Variants in STPG2 observed in about 807,000 individuals in gnomAD.
The protein encoded by STPG2 is sperm tail PG-rich repeat containing 2.
A neutral mutation model predicts 54.2 loss-of-function variants in STPG2; 56 were observed. That is an observed-to-expected ratio of 1.03 (90% CI 0.83 to 1.29). The LOEUF (loss-of-function observed/expected upper bound fraction) is 1.29. STPG2 is among the 50% of genes most tolerant of loss of function. The pLI, the probability that STPG2 is intolerant of heterozygous loss-of-function variation, is 0.00. For missense variants in STPG2, 596 were observed against 544.9 expected (o/e 1.09, Z -0.93); for synonymous variants, 200 against 181.8 (o/e 1.10, Z -0.81).
intron 10 of STPG2, among the ~76,000 whole-genome samples, chr4:97,569,363 G>A (rs1732539962): frequency 6.6e-6 from 1 of 152,058 alleles, no homozygotes; most frequent in Non-Finnish European, 1.5e-5. Flanking sequence ...CTTGGTTTTG[G>A]CCAGCTTCTT....
chr4:97,679,075 G>T (rs1324702217), intron 10 of STPG2, among the ~76,000 whole-genome samples: 1 of 152,056 alleles, frequency 6.6e-6, no homozygotes, highest in Non-Finnish European at 1.5e-5. Flanking sequence ...GAATAGTGCT[G>T]CAATAAACAT....
chr4:97,738,266 T>C (rs533469540), intron 9 of STPG2, among the ~76,000 whole-genome samples: 2 of 152,076 alleles, frequency 1.3e-5, no homozygotes, highest in African/African-American at 2.4e-5. Flanking sequence ...CATGCCAAAT[T>C]GTAAAGACCA....
downstream of STPG2, among the ~76,000 whole-genome samples, chr4:97,558,681 A>G (rs1256119825): frequency 6.6e-6 from 1 of 152,194 alleles, no homozygotes; most frequent in Admixed American, 6.5e-5. Flanking sequence ...CCAAACCTCC[A>G]TGTGACTGAG....
intron 10 of STPG2, among the ~76,000 whole-genome samples, chr4:97,616,327 G>T (rs1229721490): frequency 6.6e-6 from 1 of 151,506 alleles, no homozygotes; most frequent in Admixed American, 6.6e-5. Context: ...ACCTTAATTA[G>T]CAAGGAAAGA....
intron 5 of STPG2, among the ~76,000 whole-genome samples, chr4:98,037,830 A>G (rs1736822121): frequency 6.6e-6 from 1 of 152,096 alleles, no homozygotes; most frequent in African/African-American, 2.4e-5. Flanking sequence ...AGATTTAAAA[A>G]GATGTAATTT....
intron 8 of STPG2, among the ~76,000 whole-genome samples, chr4:97,862,335 A>C (rs1028141542): frequency 2.0e-5 from 3 of 152,142 alleles, no homozygotes; most frequent in Non-Finnish European, 4.4e-5. Context: ...AACAAAGATC[A>C]AAAGAGACAA....
chr4:98,139,791 G>A (rs12648163), intron 1 of STPG2, among the ~76,000 whole-genome samples: 21,297 of 152,092 alleles, frequency 0.14, 1,638 homozygotes, highest in East Asian at 0.32. Context: ...TTTACCACAC[G>A]CTCCTTACTT....
intron 9 of STPG2, among the ~76,000 whole-genome samples, chr4:97,745,255 C>CAAAAAAAAAAAAAAAAAAAAAAAAAA: frequency 1.3e-5 from 1 of 79,632 alleles, no homozygotes; most frequent in Non-Finnish European, 2.6e-5. Context: ...AAAAAAAAAA[C>CAAAAAAAAAAAAAAAAAAAAAAAAAA]AAAAAAACAA....
chr4:97,665,313 CA>C (rs1202028218), intron 10 of STPG2, among the ~76,000 whole-genome samples: 1 of 152,150 alleles, frequency 6.6e-6, no homozygotes, highest in East Asian at 1.9e-4. Flanking sequence ...GGTACAGGTA[CA>C]AGTGGAGGGT....
At chr4:97,638,943 C>T (rs1023593415) in intron 10 of STPG2, among the ~76,000 whole-genome samples, 1 of 149,412 alleles carries the variant, frequency 6.7e-6, no homozygotes, top group Non-Finnish European at 1.5e-5. Context: ...GTGGCGATTC[C>T]TCAGGGATCT....
intron 9 of STPG2, among the ~76,000 whole-genome samples, chr4:97,805,027 C>T (rs1727508825): frequency 6.6e-6 from 1 of 152,118 alleles, no homozygotes; most frequent in Non-Finnish European, 1.5e-5. Context: ...CAACATATTT[C>T]TCAGAGCATA....
chr4:97,721,893 A>C (rs1724460741), intron 9 of STPG2, among the ~76,000 whole-genome samples: 1 of 152,054 alleles, frequency 6.6e-6, no homozygotes, highest in African/African-American at 2.4e-5. Flanking sequence ...AACATATATC[A>C]CTGCAAAAAC....
At chr4:97,511,713 G>A (rs1302439180) in intron 4 of STPG2, among the ~76,000 whole-genome samples, 1 of 152,024 alleles carries the variant, frequency 6.6e-6, no homozygotes, top group Middle Eastern at 3.2e-3. Context: ...TGTATTACTT[G>A]AGGATCGCTT....
At chr4:98,102,068 T>C (rs1043832715) in intron 5 of STPG2, among the ~76,000 whole-genome samples, 1 of 152,216 alleles carries the variant, frequency 6.6e-6, no homozygotes, top group Non-Finnish European at 1.5e-5. Flanking sequence ...GGGATCTTTT[T>C]CTTCCACCTG....
At chr4:98,120,323 C>T in intron 3 of STPG2, among the ~76,000 whole-genome samples, 1 of 152,144 alleles carries the variant, frequency 6.6e-6, no homozygotes, top group Non-Finnish European at 1.5e-5. Flanking sequence ...TCATGATCCA[C>T]CTGCCTCGGC....
At chr4:97,461,729 A>T (rs562333193) in intron 4 of STPG2, among the ~76,000 whole-genome samples, 2 of 152,322 alleles carry the variant, frequency 1.3e-5, no homozygotes, top group African/African-American at 4.8e-5. Flanking sequence ...ACGTTTTCAT[A>T]TGTTAACTTT....
At chr4:97,951,339 G>T (rs865798909) in intron 7 of STPG2, among the ~76,000 whole-genome samples, 13 of 152,306 alleles carry the variant, frequency 8.5e-5, no homozygotes, top group Middle Eastern at 3.4e-3. Flanking sequence ...AGCAGGCAAG[G>T]AGAACCCATT....
At chr4:98,101,059 C>CCT (rs34561670) in intron 5 of STPG2, among the ~76,000 whole-genome samples, 59,919 of 151,666 alleles carry the variant, frequency 0.4, 12,038 homozygotes, top group Middle Eastern at 0.46. Context: ...TTTCTTCTTG[C>CCT]CTTTTACCAC....
chr4:97,966,840 A>C (rs957263980), intron 7 of STPG2, among the ~76,000 whole-genome samples: 3 of 152,200 alleles, frequency 2.0e-5, no homozygotes, highest in African/African-American at 7.2e-5. Context: ...CAAGAGCCTT[A>C]TAAGAGCTCC....
Sources: allele counts gnomAD v4.1 joint callset (sites outside exome capture counted in the v4.1 genomes callset), GRCh38; gene constraint gnomAD v4.1.1; transcripts MANE v1.5; gene names NCBI Gene and HGNC (gene_info 2026-07-23, HGNC 2026-07-21).